Variants in SOX6 observed in about 807,000 individuals in gnomAD.
SOX6 encodes SRY-box transcription factor 6, also known as transcription factor SOX-6.
In SOX6, 11 loss-of-function variants were observed where a neutral mutation model predicts 97.8. That is an observed-to-expected ratio of 0.11 (90% CI 0.07 to 0.19). The LOEUF (loss-of-function observed/expected upper bound fraction) is 0.19. SOX6 is among the 10% of genes least tolerant of loss of function. The pLI is 1.00. For missense variants in SOX6, 810 were observed against 1,039.5 expected, an observed-to-expected ratio of 0.78 and a Z score of 3.04; for synonymous variants, 360 against 371.4, an observed-to-expected ratio of 0.97 and a Z score of 0.35.
At chr11:16,492,025 A>C (rs1463427099) in intron 4 of SOX6, among the ~76,000 whole-genome samples, 1 of 152,188 alleles carries the variant, frequency 6.6e-6, no homozygotes, top group Non-Finnish European at 1.5e-5. Flanking sequence ...CTTCTCAAAA[A>C]AAATACACTA....
chr11:15,999,815 A>G (rs1482238314), intron 13 of SOX6, among the ~76,000 whole-genome samples: 1 of 152,174 alleles, frequency 6.6e-6, no homozygotes, highest in East Asian at 1.9e-4. Flanking sequence ...ACTTCATTTT[A>G]TTAATAGAAT....
chr11:16,159,812 A>G (rs767231671), intron 6 of SOX6, among the ~76,000 whole-genome samples: 1 of 152,166 alleles, frequency 6.6e-6, no homozygotes, highest in Non-Finnish European at 1.5e-5. Flanking sequence ...AATCTACTTA[A>G]TGCAACAGAA....
At chr11:16,612,345 T>C (rs911242485) in intron 3 of SOX6, 2 of 152,132 alleles carry the variant, frequency 1.3e-5, no homozygotes, top group African/African-American at 4.8e-5. Flanking sequence ...TCAATCAAAC[T>C]GTGCATAGTC....
intron 1 of SOX6, among the ~76,000 whole-genome samples, chr11:16,369,011 G>A (rs2134389553): frequency 6.6e-6 from 1 of 152,208 alleles, no homozygotes; most frequent in East Asian, 1.9e-4. Context: ...AGAGGTGGGA[G>A]GATAGCTTGA....
rs1338178758 is a variant in SOX6 at position 16,287,296 on chromosome 11, T to TCACACACA, written c.445+31149_445+31150insTGTGTGTG. On this transcript the variant is annotated intron_variant, in intron 3 of 15. Transcript: ENST00000683767. ...CTCTCTCTCTCTCTCTCTCTCTCTC[T>TCACACACA]CTCACACACACACACACACACACAC... Among the ~76,000 whole-genome samples the TCACACACA allele has an allele frequency of 2.9e-3, 347 of 120,122 alleles. 1 individual carries two copies. The highest frequency in any genetic ancestry group is 0.011 in the African/African-American group (333 of 30,982). The allele number at this position is 120,122 out of a possible 152,430, so 78.8% of individuals were successfully genotyped here. A position where few individuals can be genotyped will look rare whatever the true frequency, so the allele number is the denominator to read the frequency against.
intron 13 of SOX6, among the ~76,000 whole-genome samples, chr11:15,994,679 A>C (rs1283112852): frequency 6.6e-6 from 1 of 152,138 alleles, no homozygotes. Flanking sequence ...AAATAAAGTG[A>C]CTACCTCTTC....
In SOX6 at chr11:16,036,367, C is replaced by G. The variant is rs184932532; in HGVS notation, c.1623+10147G>C. 3.9e-3 allele frequency among the ~76,000 whole-genome samples: 595 copies of G among 152,332 alleles called. 1 individual carries two copies. Among genetic ancestry groups the G allele is most frequent in the South Asian group, 0.027 (129 of 4,824 alleles). The stretch of plus-strand genomic sequence containing the variant: ...GAGCTGGAATTACAGGTGTGAGCCA[C>G]TGCACCCGGCCTGATTCAACTCTTC... On this transcript the variant is annotated intron_variant, in intron 12 of 15. Transcript: ENST00000683767.
chr11:16,455,759 C>T (rs1041854627), intron 1 of SOX6, among the ~76,000 whole-genome samples: 43 of 148,732 alleles, frequency 2.9e-4, no homozygotes, highest in Middle Eastern at 6.8e-3. Flanking sequence ...ACATTTATTT[C>T]CCCCATGAAA....
chr11:16,015,493 T>C (rs890140633), intron 12 of SOX6, among the ~76,000 whole-genome samples: 1 of 152,034 alleles, frequency 6.6e-6, no homozygotes, highest in African/African-American at 2.4e-5. Context: ...ATCAGAATTT[T>C]ATGCACGAGG....
intron 1 of SOX6, among the ~76,000 whole-genome samples, chr11:16,398,099 C>T: frequency 6.6e-6 from 1 of 151,436 alleles, no homozygotes; most frequent in South Asian, 2.1e-4. Flanking sequence ...ATCTGGGATG[C>T]TTGCAAAAAA....
chr11:16,179,609 A>G (rs1590001791), intron 6 of SOX6, among the ~76,000 whole-genome samples: 1 of 152,084 alleles, frequency 6.6e-6, no homozygotes, highest in East Asian at 1.9e-4. Context: ...CATATGTTAA[A>G]TGATGAGGGG....
rs780693524 is a variant in SOX6 at position 15,986,215 on chromosome 11, G to T, written c.2172C>A (p.Phe724Leu). Residue 724 changes from phenylalanine to leucine, a missense_variant, in exon 15 of 16, where the codon TTC (phenylalanine) becomes TTA (leucine). Phe to Leu is a conservative substitution (Grantham distance 22, BLOSUM62 0). This residue lies in a region of SOX6 where 122 missense variants were observed against 153.4 expected (regional missense o/e 0.80). Coordinates refer to ENST00000683767, the MANE Select transcript of SOX6 (RefSeq NM_001367873.1). The stretch of plus-strand genomic sequence containing the variant: ...TCAGGAATACTTACCCCACAGTAAA[G>T]AACTGCCTCATCTCCTGTCTCCGAG... ...MRSRRQEMRQ[F>L]FTVGQQPQIP... is the part of the protein sequence containing the mutation. 1 of 1,614,056 alleles carries T rather than the reference G, an allele frequency of 6.2e-7. No individual in the cohort carries two copies. The highest frequency in any genetic ancestry group is 8.5e-7 in the Non-Finnish European group (1 of 1,179,944).
chr11:16,254,284 A>G (rs557606394), intron 3 of SOX6, among the ~76,000 whole-genome samples: 1 of 152,210 alleles, frequency 6.6e-6, no homozygotes, highest in East Asian at 1.9e-4. Flanking sequence ...CATTAATAAA[A>G]GAAAACTCTA....
intron 3 of SOX6, among the ~76,000 whole-genome samples, chr11:16,630,952 C>T (rs1393004328): frequency 6.6e-6 from 1 of 152,028 alleles, no homozygotes; most frequent in Non-Finnish European, 1.5e-5. Context: ...TTTCTCTAAC[C>T]CTCTACTTTG....
At chr11:16,016,374 T>A (rs1426779825) in intron 12 of SOX6, among the ~76,000 whole-genome samples, 2 of 152,062 alleles carry the variant, frequency 1.3e-5, no homozygotes, top group Non-Finnish European at 2.9e-5. Context: ...CTACACCATT[T>A]CTATGAAAGA....
chr11:16,309,116 G>A (rs1467805018), intron 3 of SOX6, among the ~76,000 whole-genome samples: 2 of 152,206 alleles, frequency 1.3e-5, no homozygotes, highest in Non-Finnish European at 2.9e-5. Context: ...TTTTCCAAGA[G>A]AGTGGAAAAA....
chr11:16,496,680 C>G (rs887130302), intron 4 of SOX6, among the ~76,000 whole-genome samples: 1 of 152,204 alleles, frequency 6.6e-6, no homozygotes, highest in Non-Finnish European at 1.5e-5. Context: ...TATCCCGTGC[C>G]TGGATCAGAG....
At chr11:16,675,758 T>C (rs1159351367) in intron 3 of SOX6, among the ~76,000 whole-genome samples, 2 of 152,222 alleles carry the variant, frequency 1.3e-5, no homozygotes, top group African/African-American at 4.8e-5. Flanking sequence ...ACTTTGAAGA[T>C]GTCATCCCAT....
intron 1 of SOX6, among the ~76,000 whole-genome samples, chr11:16,409,978 G>A (rs367688844): frequency 1.5e-4 from 23 of 152,146 alleles, no homozygotes; most frequent in South Asian, 4.1e-4. Context: ...CAATAGAAGC[G>A]GAGAGCAGTA....
Sources: gnomAD v4.1 joint callset for allele counts (sites outside exome capture counted in the v4.1 genomes callset) on GRCh38, gnomAD v4.1.1 for gene constraint, gnomAD v4.1.1 regional missense constraint, MANE v1.5 for transcripts, NCBI Gene and HGNC (gene_info 2026-07-23, HGNC 2026-07-21) for gene names.